The following RCAN2 variants were observed in gnomAD, a reference collection of about 807,000 sequenced individuals.
The protein encoded by RCAN2 is regulator of calcineurin 2.
A neutral mutation model predicts 23.6 loss-of-function variants in RCAN2; 9 were observed. The observed-to-expected ratio is 0.38, with a 90% CI of 0.23 to 0.67. The LOEUF (loss-of-function observed/expected upper bound fraction) is 0.67. Among genes scored for constraint, RCAN2 ranks in the 30% least tolerant of loss-of-function variants. The pLI is 0.51. For synonymous variants in RCAN2, 109 were observed against 115.7 expected (o/e 0.94, Z 0.37); for missense variants, 273 against 302.3 (o/e 0.90, Z 0.72).
At chr6:46,300,929 C>T (rs534815104) in intron 2 of RCAN2, among the ~76,000 whole-genome samples, 1 of 151,630 alleles carries the variant, frequency 6.6e-6, no homozygotes, top group East Asian at 1.9e-4. Flanking sequence ...GTTATCTAAA[C>T]TAAGATTGTG....
At chr6:46,398,610 A>G (rs1274543893) in intron 2 of RCAN2, among the ~76,000 whole-genome samples, 1 of 152,184 alleles carries the variant, frequency 6.6e-6, no homozygotes, top group East Asian at 1.9e-4. Context: ...CCTAATTCTC[A>G]CAGACCAATG....
rs1297875065 is a variant in RCAN2, at chr6:46,270,150, A to G, written c.226-21254T>C. Among the ~76,000 whole-genome samples the G allele has an allele frequency of 2.9e-4, 44 of 152,116 alleles. 2 individuals carry two copies. Among genetic ancestry groups the G allele is most frequent in the Admixed American group, 2.9e-3 (44 of 15,278 alleles). Reference sequence around the variant, plus strand: ...GGGCTTGTGGGTGGGAAGTGCTGACAGGCTTCAGGACACAGAAGCCAGGAG... The same window carrying G: ...GGGCTTGTGGGTGGGAAGTGCTGACGGGCTTCAGGACACAGAAGCCAGGAG... On this transcript the variant is annotated intron_variant, in intron 2 of 4. Transcript: ENST00000371374.
At chr6:46,277,307 A>G (rs976606510) in intron 2 of RCAN2, among the ~76,000 whole-genome samples, 2 of 152,200 alleles carry the variant, frequency 1.3e-5, no homozygotes, top group African/African-American at 2.4e-5. Flanking sequence ...GTAAAATACC[A>G]TTCTTGGTAA....
intron 2 of RCAN2, among the ~76,000 whole-genome samples, chr6:46,300,465 C>A (rs1331867859): frequency 6.6e-6 from 1 of 151,966 alleles, no homozygotes; most frequent in African/African-American, 2.4e-5. Flanking sequence ...TACACAATGG[C>A]CATATCTATA....
intron 2 of RCAN2, among the ~76,000 whole-genome samples, chr6:46,353,009 A>G (rs975518647): frequency 6.6e-5 from 10 of 152,134 alleles, no homozygotes; most frequent in African/African-American, 1.9e-4. Context: ...TGCTTCCCCA[A>G]ATAAAGGTGA....
intron 2 of RCAN2, among the ~76,000 whole-genome samples, chr6:46,291,816 A>G (rs1452687203): frequency 1.3e-5 from 2 of 152,140 alleles, no homozygotes; most frequent in African/African-American, 4.8e-5. Context: ...CATACCTAAG[A>G]AGGAACCCAT....
intron 2 of RCAN2, among the ~76,000 whole-genome samples, chr6:46,403,384 C>T (rs934249373): frequency 6.6e-6 from 1 of 151,680 alleles, no homozygotes; most frequent in Admixed American, 6.6e-5. Context: ...ACCAGCCTGA[C>T]CAACATGGAG....
intron 1 of RCAN2, among the ~76,000 whole-genome samples, chr6:46,472,795 T>C (rs1443879584): frequency 6.6e-6 from 1 of 152,146 alleles, no homozygotes; most frequent in African/African-American, 2.4e-5. Context: ...ATATAAGTCT[T>C]GAAAGAAGAA....
chr6:46,487,468 G>C (rs1157879405), intron 1 of RCAN2, among the ~76,000 whole-genome samples: 1 of 152,066 alleles, frequency 6.6e-6, no homozygotes, highest in Non-Finnish European at 1.5e-5. Flanking sequence ...TCTACATGTC[G>C]TTTACCCTGG....
chr6:46,404,612 C>T lies in RCAN2; in HGVS notation c.225+52140G>A, dbSNP rs188020455. ...TTTAATATAGCCTAGAAATATATTT[C>T]TTGGTATAAGCTAAATATATTGATC... On this transcript the variant is annotated intron_variant, in intron 2 of 4. Coordinates refer to ENST00000371374, the MANE Select transcript of RCAN2 (RefSeq NM_001251974.2). 9.6e-4 allele frequency among the ~76,000 whole-genome samples: 146 copies of T among 152,226 alleles called. 1 individual carries two copies. Among genetic ancestry groups the T allele is most frequent in the Non-Finnish European group, 1.6e-3 (110 of 68,012 alleles).
At chr6:46,366,863 T>C (rs1017523707) in intron 2 of RCAN2, among the ~76,000 whole-genome samples, 1 of 151,394 alleles carries the variant, frequency 6.6e-6, no homozygotes, top group Admixed American at 6.6e-5. Flanking sequence ...ACTGCAGTAG[T>C]CCTTGTACCT....
chr6:46,346,899 G>A (rs1484972396), intron 2 of RCAN2, among the ~76,000 whole-genome samples: 1 of 151,142 alleles, frequency 6.6e-6, no homozygotes, highest in Non-Finnish European at 1.5e-5. Context: ...ATTTTGAGAG[G>A]GAATCTCGCT....
At chr6:46,471,780 T>C (rs1181215449) in intron 1 of RCAN2, among the ~76,000 whole-genome samples, 1 of 152,108 alleles carries the variant, frequency 6.6e-6, no homozygotes, top group East Asian at 1.9e-4. Context: ...AGAGGAATAA[T>C]AATAGTACCA....
intron 2 of RCAN2, among the ~76,000 whole-genome samples, chr6:46,316,899 T>C (rs968493759): frequency 3.3e-5 from 5 of 152,196 alleles, no homozygotes; most frequent in Non-Finnish European, 4.4e-5. Flanking sequence ...AGATCTTGTG[T>C]TGTGTTGTGA....
intron 2 of RCAN2, among the ~76,000 whole-genome samples, chr6:46,415,255 C>T (rs562999846): frequency 4.6e-5 from 7 of 152,180 alleles, no homozygotes; most frequent in African/African-American, 1.2e-4. Context: ...GCTGTAGGAA[C>T]GGATTAAGGG....
At chr6:46,254,972 A>T (rs1431617172) in intron 2 of RCAN2, among the ~76,000 whole-genome samples, 3 of 152,196 alleles carry the variant, frequency 2.0e-5, no homozygotes, top group African/African-American at 7.2e-5. Context: ...GGATTCTCCT[A>T]TGGGATCCAG....
chr6:46,251,630 T>G (rs1296026391), intron 2 of RCAN2, among the ~76,000 whole-genome samples: 1 of 152,116 alleles, frequency 6.6e-6, no homozygotes, highest in Non-Finnish European at 1.5e-5. Context: ...TCATATTTCA[T>G]TTTTATGCTT....
chr6:46,481,124 G>A (rs1278192299), intron 1 of RCAN2, among the ~76,000 whole-genome samples: 3 of 152,170 alleles, frequency 2.0e-5, no homozygotes, highest in Middle Eastern at 6.3e-3. Flanking sequence ...GAATGAGTAG[G>A]TGCAGTCTTC....
At chr6:46,350,910 CA>C (rs1764628177) in intron 2 of RCAN2, among the ~76,000 whole-genome samples, 2 of 152,278 alleles carry the variant, frequency 1.3e-5, no homozygotes, top group East Asian at 1.9e-4. Flanking sequence ...AACCGTGCCC[CA>C]AACTGCCTCT....
Sources: gnomAD v4.1 joint callset for allele counts (sites outside exome capture counted in the v4.1 genomes callset) on GRCh38, gnomAD v4.1.1 for gene constraint, MANE v1.5 for transcripts, NCBI Gene and HGNC (gene_info 2026-07-23, HGNC 2026-07-21) for gene names.